The following OVOL3 variants were observed in gnomAD, a reference collection of about 807,000 sequenced individuals.
OVOL3 encodes ovo like zinc finger 3, also known as putative transcription factor ovo-like protein 3.
A neutral mutation model predicts 13.6 loss-of-function variants in OVOL3; 15 were observed. The ratio of observed to expected loss-of-function variants is 1.11; its 90% CI spans 0.74 to 1.70. The LOEUF (loss-of-function observed/expected upper bound fraction) is 1.70. Ranked by LOEUF, OVOL3 falls within the 40% of genes most tolerant of loss-of-function variation. The pLI is 0.00. For synonymous variants in OVOL3, 102 were observed against 108.5 expected, an observed-to-expected ratio of 0.94 and a Z score of 0.37; for missense variants, 290 against 280.6, an observed-to-expected ratio of 1.03 and a Z score of -0.24.
In OVOL3 at chr19:36,113,490, G is replaced by T; in HGVS notation, c.402G>T (p.Ala134=). ...TCCGCTGCAGTGCTTGCGGGAAAGC[G>T]TTTACGCAGCGCTGCTCCCTGGAAG... is the stretch of plus-strand genomic sequence containing the variant. The part of the protein sequence containing the change: ...RPFRCSACGK[A]FTQRCSLEAH... The change falls in exon 4 of 4, where the codon GCG becomes GCT. Residue 134 remains alanine (A), a synonymous_variant. Transcript: ENST00000633214. 1.3e-6 allele frequency: 2 copies of T among 1,536,000 alleles called. No homozygotes were observed. Among genetic ancestry groups the T allele is most frequent in the South Asian group, 2.4e-5 (2 of 84,064 alleles).
chr19:36,113,551 T>G lies in OVOL3; in HGVS notation c.463T>G (p.Tyr155Asp). The part of the protein sequence containing the change: ...LAKVHGQPAS[Y>D]AYRERREKLH... ...TAAGGTGCATGGACAGCCGGCCAGC[T>G]ACGCTTACCGTGAGCGCCGCGAGAA... Residue 155 changes from tyrosine to aspartate, a missense_variant, in exon 4 of 4, where the codon TAC becomes GAC. Transcript: ENST00000633214. 1 of 1,536,558 alleles carries G rather than the reference T, an allele frequency of 6.5e-7. No individual in the cohort carries two copies. Among genetic ancestry groups the G allele is most frequent in the Non-Finnish European group, 8.7e-7 (1 of 1,146,896 alleles).
Position 36,112,442 on chromosome 19 carries a change from C to T in OVOL3, c.160-318C>T, listed in dbSNP as rs532934747. 4.5e-4 allele frequency among the ~76,000 whole-genome samples: 68 copies of T among 152,214 alleles called. No individual in the cohort carries two copies. In the East Asian group the frequency reaches 5.6e-3, roughly 13 times the overall value. On this transcript the variant is annotated intron_variant, in intron 2 of 3. Transcript: ENST00000633214. ...GGCTGAGGCACTAGAATCGCTTGAACCCGGGAGGCGGAGGTTGCAGTGACC... is the reference window on the plus strand; with the variant it reads ...GGCTGAGGCACTAGAATCGCTTGAATCCGGGAGGCGGAGGTTGCAGTGACC...
chr19:36,112,297 A>T (rs1381586567), intron 2 of OVOL3, among the ~76,000 whole-genome samples: 1 of 152,102 alleles, frequency 6.6e-6, no homozygotes, highest in East Asian at 1.9e-4. Flanking sequence ...AGGTGGGTGG[A>T]TTGCTTGAGG....
chr19:36,113,349 T>A, intron 3 of OVOL3, 104 bp from the exon 4 acceptor site: 2 of 1,180,348 alleles, frequency 1.7e-6, no homozygotes, highest in Non-Finnish European at 2.4e-6. Context: ...GAGCTTGGAA[T>A]AGGTACCAGA....
rs768998952 is a variant in OVOL3 at position 36,112,887 on chromosome 19, G to A, written c.287G>A (p.Arg96His). Residue 96 changes from arginine (R) to histidine (H), a missense_variant, in exon 3 of 4, where the codon CGC (arginine) becomes CAC (histidine). Coordinates refer to ENST00000633214, the MANE Select transcript of OVOL3 (RefSeq NM_001302757.2). ...TRHLKCHSPV[R>H]RHLCRCCGKG... is the part of the protein sequence containing the mutation. ...CACCTCAAGTGCCACAGCCCCGTGC[G>A]CCGCCACCTGTGCCGCTGTTGTGGC... 2.7e-5 allele frequency: 42 copies of A among 1,536,060 alleles called. No homozygotes were observed. In the African/African-American group the frequency reaches 4.0e-4, roughly 15 times the overall value.
In OVOL3 at chr19:36,112,832, G is replaced by A. The variant is rs1432887705; in HGVS notation, c.232G>A (p.Ala78Thr). The change falls in exon 3 of 4, where the codon GCC (alanine) becomes ACC (threonine). Residue 78 changes from alanine to threonine, a missense_variant. Physicochemically the swap from Ala to Thr is moderately conservative, Grantham distance 58. Coordinates refer to ENST00000633214, the MANE Select transcript of OVOL3 (RefSeq NM_001302757.2). The stretch of plus-strand genomic sequence containing the variant: ...GCTGGGCTGCCCGCTCTGCCCTAAG[G>A]CCTTCCCTCTGCAGCGCATGCTGAC... Reference protein sequence around the residue: ...GTLGCPLCPKAFPLQRMLTRH... With the variant: ...GTLGCPLCPKTFPLQRMLTRH... 6.5e-7 allele frequency: 1 copy of A among 1,535,946 alleles called. No individual in the cohort carries two copies. The highest frequency in any genetic ancestry group is 8.7e-7 in the Non-Finnish European group (1 of 1,146,898).
chr19:36,112,261 T>G (rs914207313), intron 2 of OVOL3, among the ~76,000 whole-genome samples: 3 of 152,164 alleles, frequency 2.0e-5, no homozygotes, highest in Non-Finnish European at 4.4e-5. Flanking sequence ...GGCTCATGCC[T>G]GTAATCCCAG....
chr19:36,113,261 G>C (rs1336485348), intron 3 of OVOL3, among the ~76,000 whole-genome samples, 192 bp from the exon 4 acceptor site: 1 of 152,206 alleles, frequency 6.6e-6, no homozygotes, highest in Non-Finnish European at 1.5e-5. Flanking sequence ...GTGAGGGAGA[G>C]TGGAGACACA....
At position 36,111,238 on chromosome 19, in the gene OVOL3, A is replaced by G; in HGVS notation, c.36A>G (p.Pro12=). Residue 12 remains proline (P), a synonymous_variant, in exon 1 of 4, where the codon CCA becomes CCG. Coordinates refer to ENST00000633214, the MANE Select transcript of OVOL3 (RefSeq NM_001302757.2). Reference sequence around the variant, plus strand: ...CCTTCCTGGTCAGGAGTCGGCGTCCACAGCCCCCCAACTGGGGCCATCTGC... The same window carrying G: ...CCTTCCTGGTCAGGAGTCGGCGTCCGCAGCCCCCCAACTGGGGCCATCTGC... The part of the protein sequence containing the change: ...PRAFLVRSRR[P]QPPNWGHLPD... 6.5e-7 allele frequency: 1 copy of G among 1,535,920 alleles called. No individual in the cohort carries two copies. The highest frequency in any genetic ancestry group is 8.7e-7 in the Non-Finnish European group (1 of 1,146,860).
chr19:36,111,458 G>C (rs1973815290), intron 2 of OVOL3, 25 bp downstream of exon 2: 1 of 1,534,820 alleles, frequency 6.5e-7, no homozygotes, highest in African/African-American at 1.4e-5. Flanking sequence ...GGCTAGCAAA[G>C]CCAGCTGTTT....
chr19:36,113,339 G>C, intron 3 of OVOL3, 114 bp from the exon 4 acceptor site: 1 of 1,100,484 alleles, frequency 9.1e-7, no homozygotes, highest in Non-Finnish European at 1.3e-6. Context: ...AGAGTCTGAA[G>C]AGCTTGGAAT....
At chr19:36,112,620 A>G (rs1272658033) in intron 2 of OVOL3, 140 bp from the exon 3 acceptor site, 4 of 712,130 alleles carry the variant, frequency 5.6e-6, no homozygotes, top group Non-Finnish European at 9.1e-6. Flanking sequence ...AGTGACAGGC[A>G]CACACACTAA....
intron 3 of OVOL3, 68 bp downstream of exon 3, chr19:36,113,032 G>A: frequency 6.9e-7 from 1 of 1,439,980 alleles, no homozygotes; most frequent in South Asian, 1.3e-5. Flanking sequence ...ATGGAGAGAG[G>A]TGCTGGGCTG....
Position 36,113,686 on chromosome 19 carries a change from C to T in OVOL3, c.*25C>T, listed in dbSNP as rs938823950. 1.9e-6 allele frequency: 3 copies of T among 1,558,234 alleles called. No homozygotes were observed. In the African/African-American group the frequency reaches 4.1e-5, roughly 21 times the overall value. On this transcript the variant is annotated 3_prime_UTR_variant, in exon 4 of 4. Coordinates refer to ENST00000633214, the MANE Select transcript of OVOL3 (RefSeq NM_001302757.2). Reference sequence around the variant, plus strand: ...ATACGGTGTGCCAGCGTCCTCCCCACGAGGCAAATAAACACAGAAAACTCA... The same window carrying T: ...ATACGGTGTGCCAGCGTCCTCCCCATGAGGCAAATAAACACAGAAAACTCA...
chr19:36,112,767 C>T lies in OVOL3; in HGVS notation c.167C>T (p.Thr56Ile), dbSNP rs1973853846. The T allele has an allele frequency of 2.0e-6, 3 of 1,533,844 alleles. No homozygotes were observed. The highest frequency in any genetic ancestry group is 2.6e-6 in the Non-Finnish European group (3 of 1,146,292). ...SVRDPWTAQP[T>I]QGNLTSAPRG... ...ACTCCTGCATCCCTCCAGCAGCCCA[C>T]ACAGGGCAACCTGACCTCTGCTCCC... The change falls in exon 3 of 4, where the codon ACA becomes ATA. Residue 56 changes from threonine to isoleucine, a missense_variant. Thr to Ile is a moderately conservative substitution (Grantham distance 89). Transcript: ENST00000633214.
chr19:36,113,414 C>G, intron 3 of OVOL3, 39 bp from the exon 4 acceptor site: 1 of 1,516,982 alleles, frequency 6.6e-7, no homozygotes, highest in Non-Finnish European at 8.8e-7. Flanking sequence ...GCCCATTGCC[C>G]TCTCTGTCCA....
At chr19:36,112,095 G>A (rs373412658) in intron 2 of OVOL3, among the ~76,000 whole-genome samples, 2 of 152,140 alleles carry the variant, frequency 1.3e-5, no homozygotes, top group African/African-American at 4.8e-5. Flanking sequence ...CAGCTCCTCA[G>A]GAGGCTGAGG....
At chr19:36,113,321 T>C (rs552218790) in intron 3 of OVOL3, 132 bp from the exon 4 acceptor site, 7 of 943,230 alleles carry the variant, frequency 7.4e-6, no homozygotes, top group Admixed American at 2.2e-5. Flanking sequence ...TGGTGGGTCA[T>C]GGGCGGAAGA....
intron 2 of OVOL3, among the ~76,000 whole-genome samples, chr19:36,112,004 C>A (rs371004045): frequency 6.6e-6 from 1 of 152,072 alleles, no homozygotes; most frequent in Non-Finnish European, 1.5e-5. Context: ...AGTTCGAGAC[C>A]AGGCTGGCCA....
Sources: allele counts gnomAD v4.1 joint callset (sites outside exome capture counted in the v4.1 genomes callset), GRCh38; gene constraint gnomAD v4.1.1; transcripts MANE v1.5; gene names NCBI Gene and HGNC (gene_info 2026-07-23, HGNC 2026-07-21).